Variants in PER3 observed in about 807,000 individuals in gnomAD.
The protein encoded by PER3 is period circadian protein homolog 3.
A neutral mutation model predicts 127.2 loss-of-function variants in PER3; 107 were observed. The ratio of observed to expected loss-of-function variants is 0.84; its 90% CI spans 0.72 to 0.99. The LOEUF (loss-of-function observed/expected upper bound fraction) is 0.99, where lower values mean the gene tolerates loss of function less well. Among genes scored for constraint, PER3 ranks in the 50% least tolerant of loss-of-function variants. PER3 has a pLI of 0.00. For synonymous variants in PER3, 618 were observed against 585.8 expected (o/e 1.05, Z -0.79); for missense variants, 1,560 against 1,525.8 (o/e 1.02, Z -0.37).
At position 7,827,827 on chromosome 1, in the gene PER3, T is replaced by TTCAA; in HGVS notation, c.2886+12_2886+13insTCAA. ...CACAAACTGAGTATGTAAGTGATGC[T>TTCAA]CATTTTCAACACTCAAGTGAGAAAG... is the stretch of plus-strand genomic sequence containing the variant. On this transcript the variant is annotated intron_variant, in intron 18 of 21. Coordinates refer to ENST00000377532, the MANE Select transcript of PER3 (RefSeq NM_001377275.1). 1 of 1,581,058 alleles carries TTCAA rather than the reference T, an allele frequency of 6.3e-7. No homozygotes were observed. The highest frequency in any genetic ancestry group is 1.1e-5 in the South Asian group (1 of 89,020).
intron 13 of PER3, among the ~76,000 whole-genome samples, chr1:7,817,874 T>C (rs11121030): frequency 0.049 from 7,388 of 152,278 alleles, 625 homozygotes; most frequent in East Asian, 0.27. Context: ...CTCCAAAACA[T>C]ATTATTTATT....
In PER3 at chr1:7,801,006, C is replaced by A. The variant is rs956983789; in HGVS notation, c.794-107C>A. On this transcript the variant is annotated intron_variant, in intron 7 of 21. Coordinates refer to ENST00000377532, the MANE Select transcript of PER3 (RefSeq NM_001377275.1). ...GCCAGGCCCCTAAATGAGATTTCTA[C>A]CATTTCATATAGATTTTGTTCTCTT... 1.1e-5 allele frequency: 8 copies of A among 728,420 alleles called. No individual in the cohort carries two copies. The African/African-American group carries it at 1.4e-4, about 13-fold the overall frequency. 45.1% of individuals were successfully genotyped at this position (728,420 alleles called of 1,614,324 possible). A position where few individuals can be genotyped will look rare whatever the true frequency, so the allele number is the denominator to read the frequency against.
At chr1:7,829,305 T>A (rs190789066) in intron 18 of PER3, among the ~76,000 whole-genome samples, 10 of 152,334 alleles carry the variant, frequency 6.6e-5, no homozygotes, top group Non-Finnish European at 8.8e-5. Flanking sequence ...AGAACAATGA[T>A]AACAATATAC....
intron 6 of PER3, 93 bp from the exon 7 acceptor site, chr1:7,798,432 G>C: frequency 1.0e-6 from 1 of 977,910 alleles, no homozygotes; most frequent in East Asian, 2.5e-5. Flanking sequence ...TGTCTGTCTT[G>C]GAAATTACCA....
At chr1:7,831,247 ATTT>A (rs2097330287) in intron 19 of PER3, among the ~76,000 whole-genome samples, 1 of 152,156 alleles carries the variant, frequency 6.6e-6, no homozygotes, top group African/African-American at 2.4e-5. Flanking sequence ...TAAATTTTCA[ATTT>A]GCAATTGTTT....
rs181072346 is a variant in PER3 at position 7,793,940 on chromosome 1, G to A, written c.593-17G>A. On this transcript the variant is annotated splice_polypyrimidine_tract_variant and intron_variant, in intron 5 of 21. Coordinates refer to ENST00000377532, the MANE Select transcript of PER3 (RefSeq NM_001377275.1). ...CTGGATAAGAGGGAGTGACTGACCA[G>A]GCATCTTTCTTTCTAGCAGCTGCAC... The A allele has an allele frequency of 8.1e-5, 131 of 1,609,864 alleles. No individual in the cohort carries two copies. In the African/African-American group the frequency reaches 1.4e-3, roughly 17 times the overall value.
intron 12 of PER3, 124 bp downstream of exon 12, chr1:7,810,145 T>G (rs180738327): frequency 4.9e-6 from 5 of 1,016,484 alleles, no homozygotes; most frequent in Non-Finnish European, 5.8e-6. Flanking sequence ...ACAGATATTT[T>G]CATCCATTTT....
chr1:7,839,831 G>A (rs1344331897), intron 21 of PER3, among the ~76,000 whole-genome samples: 8 of 151,836 alleles, frequency 5.3e-5, no homozygotes. Context: ...TGACTGCACG[G>A]TATTTAATTA....
At chr1:7,837,802 A>T (rs528659490) in intron 21 of PER3, among the ~76,000 whole-genome samples, 2 of 152,328 alleles carry the variant, frequency 1.3e-5, no homozygotes, top group East Asian at 1.9e-4. Flanking sequence ...GGCCTAGTCC[A>T]GTGGCTCACG....
At chr1:7,833,615 A>T (rs762905515) in intron 19 of PER3, among the ~76,000 whole-genome samples, 17 of 152,032 alleles carry the variant, frequency 1.1e-4, no homozygotes, top group Admixed American at 9.8e-4. Context: ...CTTTCAACTT[A>T]TCTGTGTCTT....
intron 5 of PER3, among the ~76,000 whole-genome samples, chr1:7,792,879 C>G (rs1300675131): frequency 6.6e-6 from 1 of 152,216 alleles, no homozygotes; most frequent in Non-Finnish European, 1.5e-5. Flanking sequence ...CGTAGTCTAG[C>G]TTTCAGTGGT....
At position 7,827,269 on chromosome 1, in the gene PER3, C is replaced by G. The variant is rs1371683531; in HGVS notation, c.2340C>G (p.Pro780=). Residue 780 remains proline, a synonymous_variant, in exon 18 of 22, where the codon CCC becomes CCG. Transcript: ENST00000377532. ...GAHQNAQPCC[P]SAASSPHTSS... is the part of the protein sequence containing the mutation. Reference sequence around the variant, plus strand: ...ATCAGAACGCACAGCCCTGCTGCCCCTCCGCGGCCTCCTCTCCGCACACCT... The same window carrying G: ...ATCAGAACGCACAGCCCTGCTGCCCGTCCGCGGCCTCCTCTCCGCACACCT... 2 of 1,613,844 alleles carry G rather than the reference C, an allele frequency of 1.2e-6. No homozygotes were observed. Among genetic ancestry groups the G allele is most frequent in the South Asian group, 1.1e-5 (1 of 91,054 alleles).
At chr1:7,786,538 A>G (rs2097091716) in intron 3 of PER3, among the ~76,000 whole-genome samples, 183 bp from the exon 4 acceptor site, 1 of 152,254 alleles carries the variant, frequency 6.6e-6, no homozygotes, top group African/African-American at 2.4e-5. Flanking sequence ...AATTCATAAA[A>G]TCAAATCTTA....
Position 7,805,723 on chromosome 1 carries a change from G to A in PER3, c.1136+1875G>A, listed in dbSNP as rs11585382. Among the ~76,000 whole-genome samples, 1,057 of 152,268 alleles carry A rather than the reference G, an allele frequency of 6.9e-3. 16 individuals carry two copies. Among genetic ancestry groups the A allele is most frequent in the South Asian group, 0.014 (69 of 4,822 alleles). On this transcript the variant is annotated intron_variant, in intron 10 of 21. Coordinates refer to ENST00000377532, the MANE Select transcript of PER3 (RefSeq NM_001377275.1). The stretch of plus-strand genomic sequence containing the variant: ...GAACGTAGGAAACTGCAGCCAGTAA[G>A]ATGCCTTCATGAGGCTTCCATCTGG...
At chr1:7,817,612 C>T (rs2097257459) in intron 13 of PER3, among the ~76,000 whole-genome samples, 1 of 152,174 alleles carries the variant, frequency 6.6e-6, no homozygotes, top group Non-Finnish European at 1.5e-5. Flanking sequence ...AGGAAAGCCA[C>T]ACAAAGCAGA....
intron 6 of PER3, among the ~76,000 whole-genome samples, chr1:7,794,830 T>C (rs1209657275): frequency 1.3e-5 from 2 of 151,180 alleles, no homozygotes; most frequent in Non-Finnish European, 2.9e-5. Flanking sequence ...TGCTGCAATA[T>C]ATTATTAGTG....
At chr1:7,789,134 C>A (rs2150465724) in intron 5 of PER3, among the ~76,000 whole-genome samples, 1 of 83,966 alleles carries the variant, frequency 1.2e-5, no homozygotes, top group South Asian at 3.9e-4. Flanking sequence ...TCTTAAAGAG[C>A]TTTAAAATAT....
At chr1:7,819,968 A>G in intron 14 of PER3, 147 bp from the exon 15 acceptor site, 1 of 754,470 alleles carries the variant, frequency 1.3e-6, no homozygotes, top group Non-Finnish European at 2.3e-6. Flanking sequence ...CAATCCAGTG[A>G]TTGAGGCTGG....
chr1:7,822,404 G>A (rs973225690), intron 16 of PER3, among the ~76,000 whole-genome samples: 4 of 151,926 alleles, frequency 2.6e-5, no homozygotes, highest in Admixed American at 6.6e-5. Flanking sequence ...TACAGGCCCC[G>A]CCACCATGCC....
Sources: allele counts gnomAD v4.1 joint callset (sites outside exome capture counted in the v4.1 genomes callset), GRCh38; gene constraint gnomAD v4.1.1; transcripts MANE v1.5; gene names NCBI Gene and HGNC (gene_info 2026-07-23, HGNC 2026-07-21).